ADCY4: variants seen among roughly 807,000 people sequenced by gnomAD.
ADCY4 encodes adenylate cyclase 4.
Under a neutral mutation model 125.5 loss-of-function variants are expected in ADCY4, and 111 were observed. The ratio of observed to expected loss-of-function variants is 0.88; its 90% CI spans 0.76 to 1.04. The LOEUF is 1.04. Ranked by LOEUF, ADCY4 falls within the 50% of genes least tolerant of loss-of-function variation. The probability of loss-of-function intolerance (pLI) is 0.00; values close to 1 mark genes in which losing one functional copy is unlikely to be tolerated. For synonymous variants in ADCY4, 576 were observed against 586.9 expected, an observed-to-expected ratio of 0.98 and a Z score of 0.27; for missense variants, 1,256 against 1,382.9, an observed-to-expected ratio of 0.91 and a Z score of 1.46.
At chr14:24,321,692 C>T (rs983276517) in intron 20 of ADCY4, 10 of 554,032 alleles carry the variant, frequency 1.8e-5, no homozygotes, top group East Asian at 1.2e-4. Context: ...AGAGCTCAGG[C>T]GGTAGTGCTG....
In ADCY4 at chr14:24,319,362, G is replaced by A; in HGVS notation, c.2808C>T (p.Gly936=). ...CATCCTGTCCAGAGGTGGCATTTAAGCCTGTGGCTGCCATGTAGGTGCTGC... is the reference window on the plus strand; with the variant it reads ...CATCCTGTCCAGAGGTGGCATTTAAACCTGTGGCTGCCATGTAGGTGCTGC... ...TIGSTYMAAT[G]LNATSGQDAQ... Residue 936 remains glycine (G), a synonymous_variant, in exon 22 of 25, where the codon GGC becomes GGT. Coordinates refer to ENST00000418030, the MANE Select transcript of ADCY4 (RefSeq NM_001198568.2). This position sits in a 1 kb window ranked among gnomAD's most constrained non-coding sequence, Gnocchi z 4.5. 6.2e-7 allele frequency: 1 copy of A among 1,614,198 alleles called. No homozygotes were observed.
rs1227769573 is a variant in ADCY4 at position 24,331,888 on chromosome 14, TA to T, written c.568del (p.Tyr190ThrfsTer5). ...LFLCGNVAGV[Y>X]HKALMERALR... ...GGCGCGCTCCATCAGCGCCTTGTGGTACACTCCTGCCACGTTCCCGCACAGG... is the reference window on the plus strand; with the variant it reads ...GGCGCGCTCCATCAGCGCCTTGTGGTCACTCCTGCCACGTTCCCGCACAGG... On this transcript the variant is annotated frameshift_variant, in exon 4 of 25. Transcript: ENST00000418030. LOFTEE classifies it high-confidence loss of function. 6.3e-7 allele frequency: 1 copy of T among 1,597,330 alleles called. No homozygotes were observed. Among genetic ancestry groups the T allele is most frequent in the African/African-American group, 1.3e-5 (1 of 74,604 alleles).
At chr14:24,332,088 C>T (rs185972405) in intron 3 of ADCY4, 151 bp from the exon 4 acceptor site, 2 of 1,029,994 alleles carry the variant, frequency 1.9e-6, no homozygotes, top group Admixed American at 3.8e-5. Context: ...TGTGGCATCC[C>T]TAGGGACGTT....
rs199723520 is a variant in ADCY4 at position 24,332,988 on chromosome 14, C to T, written c.160G>A (p.Glu54Lys). The T allele has an allele frequency of 2.6e-6, 4 of 1,532,882 alleles. No homozygotes were observed. The African/African-American group carries it at 5.5e-5, about 21-fold the overall frequency. 95.0% of individuals were successfully genotyped at this position (1,532,882 alleles called of 1,614,324 possible). A position where few individuals can be genotyped will look rare whatever the true frequency, so the allele number is the denominator to read the frequency against. The change falls in exon 2 of 25, where the codon GAG becomes AAG. Residue 54 changes from glutamate (E) to lysine (K), a missense_variant and splice_region_variant. Coordinates refer to ENST00000418030, the MANE Select transcript of ADCY4 (RefSeq NM_001198568.2). ...LLAVAWASGR[E>K]LTSDPSFLTT... ...AGGAAGCTCGGGTCTGAGGTCAGCT[C>T]CTGTGGGCAGGGGTGTGTGAGGCAA...
In ADCY4 at chr14:24,324,893, G is replaced by A. The variant is rs553677658; in HGVS notation, c.1823+484C>T. On this transcript the variant is annotated intron_variant, in intron 14 of 24. Coordinates refer to ENST00000418030, the MANE Select transcript of ADCY4 (RefSeq NM_001198568.2). ...AAATTTTTGTATTTTTAGTAGAGAT[G>A]GGGTTTCACCATGTTGGCCAGGCTA... Among the ~76,000 whole-genome samples, 19 of 151,982 alleles carry A rather than the reference G, an allele frequency of 1.3e-4. No homozygotes were observed. In the East Asian group the frequency reaches 3.7e-3, roughly 29 times the overall value.
intron 10 of ADCY4, among the ~76,000 whole-genome samples, chr14:24,328,232 G>GGC (rs1555316912): frequency 1.8e-5 from 1 of 56,128 alleles, no homozygotes; most frequent in African/African-American, 1.2e-4. Flanking sequence ...AAAGCGGGGT[G>GGC]GGGGGGGGGG....
chr14:24,330,821 G>T (rs927887547), intron 6 of ADCY4, 197 bp downstream of exon 6: 1 of 572,090 alleles, frequency 1.7e-6, no homozygotes, highest in Admixed American at 3.1e-5. Flanking sequence ...AGGGATCTCT[G>T]TAGGTTTGAG....
In ADCY4 at chr14:24,331,270, CCCCTGTCCTG is replaced by C; in HGVS notation, c.746_755del (p.Ala249GlyfsTer188). 5 of 1,614,176 alleles carry C rather than the reference CCCCTGTCCTG, an allele frequency of 3.1e-6. No homozygotes were observed. Among genetic ancestry groups the C allele is most frequent in the Middle Eastern group, 1.6e-4 (1 of 6,062 alleles). On this transcript the variant is annotated frameshift_variant, in exon 5 of 25. Coordinates refer to ENST00000418030, the MANE Select transcript of ADCY4 (RefSeq NM_001198568.2). LOFTEE classifies it high-confidence loss of function. ...AATTGTTAGTGCTCTCTGGCCGTGA[CCCCTGTCCTG>C]CCTGCAGCCGTGCCATGATCTCTGC...
Position 24,332,696 on chromosome 14 carries a change from C to T in ADCY4, c.358-13G>A, listed in dbSNP as rs373149760. ...GAAAATAGGACACCTGGGGGCGGGG[C>T]GCGGGAAGCCGAAGGCCCAAGTGGG... On this transcript the variant is annotated splice_polypyrimidine_tract_variant and intron_variant, in intron 2 of 24. Coordinates refer to ENST00000418030, the MANE Select transcript of ADCY4 (RefSeq NM_001198568.2). 59 of 1,578,386 alleles carry T rather than the reference C, an allele frequency of 3.7e-5. No homozygotes were observed. Among genetic ancestry groups the T allele is most frequent in the Non-Finnish European group, 4.9e-5 (57 of 1,161,858 alleles).
Position 24,334,679 on chromosome 14 carries a change from CT to C in ADCY4, c.-28del. ...ATCTCCCCAGCCCCGAGCCCCGGGG[CT>C]GGCTAGGGCCGGGCGCCGGGTTACC... On this transcript the variant is annotated 5_prime_UTR_variant, in exon 1 of 25. Transcript: ENST00000418030. The C allele has an allele frequency of 6.7e-7, 1 of 1,494,320 alleles. No homozygotes were observed. The highest frequency in any genetic ancestry group is 8.9e-7 in the Non-Finnish European group (1 of 1,124,832). 92.6% of individuals were successfully genotyped at this position (1,494,320 alleles called of 1,614,324 possible).
At chr14:24,331,704 C>T (rs376589093) in intron 4 of ADCY4, 84 bp downstream of exon 4, 14 of 1,425,000 alleles carry the variant, frequency 9.8e-6, no homozygotes, top group Non-Finnish European at 1.2e-5. Context: ...CCCAGAGTCA[C>T]TCAACTTGTG....
At chr14:24,326,571 T>TTG (rs71119070) in intron 10 of ADCY4, 66,693 of 276,508 alleles carry the variant, frequency 0.24, 8,691 homozygotes, top group Middle Eastern at 0.33. Context: ...CCCAGGATCT[T>TTG]TGTGTGTGTG....
Position 24,319,834 on chromosome 14 carries a change from C to T in ADCY4, c.2641G>A (p.Asp881Asn), listed in dbSNP as rs369616114. 2.5e-6 allele frequency: 4 copies of T among 1,614,008 alleles called. No homozygotes were observed. In the African/African-American group the frequency reaches 5.3e-5, roughly 22 times the overall value. The stretch of plus-strand genomic sequence containing the variant: ...GATTCAGAGTAGAACTCCTTGAAGT[C>T]TGGGACTGAGGCGAAGAGGACACAA... Reference protein sequence around the residue: ...CVCVLFASVPDFKEFYSESNI... With the variant: ...CVCVLFASVPNFKEFYSESNI... The change falls in exon 21 of 25, where the codon GAC becomes AAC. Residue 881 changes from aspartate to asparagine, a missense_variant. Asp to Asn is a conservative substitution (Grantham distance 23). Coordinates refer to ENST00000418030, the MANE Select transcript of ADCY4 (RefSeq NM_001198568.2). This position sits in a 1 kb window ranked among gnomAD's most constrained non-coding sequence, Gnocchi z 4.5.
In ADCY4 at chr14:24,330,120, C is replaced by A. The variant is rs759665059; in HGVS notation, c.1058+48G>T. 1.8e-4 allele frequency: 296 copies of A among 1,601,784 alleles called. 5 individuals are homozygous for A. The Admixed American group carries it at 4.9e-3, about 27-fold the overall frequency. ...AGGACTTCTGTCAGCTGCCTGCTGC[C>A]CCCCACATCCACCCTCAGCATTCCT... On this transcript the variant is annotated intron_variant, in intron 7 of 24. Transcript: ENST00000418030.
chr14:24,322,745 C>T (rs751170304), intron 18 of ADCY4, 37 bp from the exon 19 acceptor site: 30 of 1,604,532 alleles, frequency 1.9e-5, no homozygotes, highest in African/African-American at 1.1e-4. Context: ...CCCTTGCTTT[C>T]CCCCTTCCTG....
At chr14:24,320,600 A>G (rs2041835803) in intron 20 of ADCY4, among the ~76,000 whole-genome samples, 2 of 152,324 alleles carry the variant, frequency 1.3e-5, no homozygotes, top group South Asian at 2.1e-4. Context: ...ATATGAGCCA[A>G]GAGCATTTCC....
At position 24,324,108 on chromosome 14, in the gene ADCY4, C is replaced by T. The variant is rs1482106142; in HGVS notation, c.2000G>A (p.Gly667Asp). The change falls in exon 16 of 25, where the codon GGC (glycine) becomes GAC (aspartate). Residue 667 changes from glycine to aspartate, a missense_variant. Coordinates refer to ENST00000418030, the MANE Select transcript of ADCY4 (RefSeq NM_001198568.2). ...ATRPGLRIAL[G>D]TATILLVFAM... ...AAAGACAAGGAGGATGGTGGCGGTGCCCAAGGCTATTCTCAGTCCTGGTCG... is the reference window on the plus strand; with the variant it reads ...AAAGACAAGGAGGATGGTGGCGGTGTCCAAGGCTATTCTCAGTCCTGGTCG... 10 of 1,614,090 alleles carry T rather than the reference C, an allele frequency of 6.2e-6. No individual in the cohort carries two copies. In the African/African-American group the frequency reaches 6.7e-5, roughly 11 times the overall value.
intron 16 of ADCY4, 22 bp downstream of exon 16, chr14:24,324,040 A>T (rs368393181): frequency 1.2e-6 from 2 of 1,611,302 alleles, no homozygotes; most frequent in African/African-American, 2.7e-5. Flanking sequence ...ATGGGGGTGG[A>T]TAGGGCCCCC....
intron 1 of ADCY4, among the ~76,000 whole-genome samples, chr14:24,333,940 A>G (rs1352059723): frequency 1.3e-5 from 2 of 152,150 alleles, no homozygotes; most frequent in Non-Finnish European, 2.9e-5. Flanking sequence ...ACCAGCAAGG[A>G]TTGGCCGCGC....
Sources: gnomAD v4.1 joint callset for allele counts (sites outside exome capture counted in the v4.1 genomes callset) on GRCh38, gnomAD v4.1.1 for gene constraint, Gnocchi (gnomAD v3.1) non-coding constraint, MANE v1.5 for transcripts, NCBI Gene and HGNC (gene_info 2026-07-23, HGNC 2026-07-21) for gene names.